The following SEPTIN12 variants were observed in gnomAD, a reference collection of about 807,000 sequenced individuals.
SEPTIN12 encodes the protein septin-12.
Under a neutral mutation model 37.7 loss-of-function variants are expected in SEPTIN12, and 42 were observed. The observed-to-expected ratio is 1.11, with a 90% CI of 0.87 to 1.44. The LOEUF (loss-of-function observed/expected upper bound fraction) is 1.44. Ranked by LOEUF, SEPTIN12 falls within the 40% of genes most tolerant of loss-of-function variation. The pLI is 0.00. For missense variants in SEPTIN12, 613 were observed against 479.2 expected (o/e 1.28, Z -2.61); for synonymous variants, 254 against 196.7 (o/e 1.29, Z -2.44).
At position 4,777,808 on chromosome 16, in the gene SEPTIN12, C is replaced by T. The variant is rs1002823652; in HGVS notation, c.1066G>A (p.Asp356Asn). The T allele has an allele frequency of 8.3e-6, 13 of 1,561,122 alleles. No individual in the cohort carries two copies. The highest frequency in any genetic ancestry group is 1.1e-5 in the Non-Finnish European group (13 of 1,154,256). ...GGATCCGCCGGTGGTCAGAACTCATCATCAGAATCGTCATGGGCCCCCCTG... is the reference window on the plus strand; with the variant it reads ...GGATCCGCCGGTGGTCAGAACTCATTATCAGAATCGTCATGGGCCCCCCTG... ...VCRGAHDDSD[D>N]EF Residue 356 changes from aspartate to asparagine, a missense_variant, in exon 10 of 10, where the codon GAT (aspartate) becomes AAT (asparagine). Coordinates refer to ENST00000268231, the MANE Select transcript of SEPTIN12 (RefSeq NM_144605.5).
intron 2 of SEPTIN12, 114 bp downstream of exon 2, chr16:4,787,366 T>G: frequency 2.1e-6 from 2 of 935,314 alleles, no homozygotes; most frequent in East Asian, 4.8e-5. Flanking sequence ...GGTGCTATTA[T>G]CAGGCCCACC....
Position 4,777,748 on chromosome 16 carries a change from GAGCCGCTGGGGACTCAGGAAGCCC to G in SEPTIN12, c.*25_*48del. 1 of 1,321,838 alleles carries G rather than the reference GAGCCGCTGGGGACTCAGGAAGCCC, an allele frequency of 7.6e-7. No individual in the cohort carries two copies. Among genetic ancestry groups the G allele is most frequent in the Non-Finnish European group, 1.0e-6 (1 of 976,676 alleles). The allele number at this position is 1,321,838 out of a possible 1,614,324, so 81.9% of individuals were successfully genotyped here. A position where few individuals can be genotyped will look rare whatever the true frequency, so the allele number is the denominator to read the frequency against. On this transcript the variant is annotated 3_prime_UTR_variant, in exon 10 of 10. Coordinates refer to ENST00000268231, the MANE Select transcript of SEPTIN12 (RefSeq NM_144605.5). ...GCTCTGGTACATAGGTGTGTGTTGA[GAGCCGCTGGGGACTCAGGAAGCCC>G]AGCAGCCCCGGGATCCGCCGGTGGT...
rs61734737 is a variant in SEPTIN12 at position 4,786,032 on chromosome 16, C to T, written c.240G>A (p.Pro80=). The T allele has an allele frequency of 1.6e-5, 26 of 1,613,930 alleles. No individual in the cohort carries two copies. The highest frequency in any genetic ancestry group is 1.2e-4 in the African/African-American group (9 of 75,012). Reference sequence around the variant, plus strand: ...TCTGGGGTGTGGGCACCCCCAAGCCCGGTGGGTTTGACTTCCACACTTTGG... The same window carrying T: ...TCTGGGGTGTGGGCACCCCCAAGCCTGGTGGGTTTGACTTCCACACTTTGG... ...FKSKVWKSNP[P]GLGVPTPQTL... is the part of the protein sequence containing the mutation. Residue 80 remains proline (P), a synonymous_variant, in exon 3 of 10, where the codon CCG becomes CCA. Coordinates refer to ENST00000268231, the MANE Select transcript of SEPTIN12 (RefSeq NM_144605.5).
chr16:4,787,362 A>G lies in SEPTIN12; in HGVS notation c.166+118T>C. On this transcript the variant is annotated intron_variant, in intron 2 of 9. Coordinates refer to ENST00000268231, the MANE Select transcript of SEPTIN12 (RefSeq NM_144605.5). ...AATGACAACATCCCTGTGAGGTGCTATTATCAGGCCCACCTAAGAGATGGG... is the reference window on the plus strand; with the variant it reads ...AATGACAACATCCCTGTGAGGTGCTGTTATCAGGCCCACCTAAGAGATGGG... 7.7e-6 allele frequency: 7 copies of G among 907,420 alleles called. No individual in the cohort carries two copies. The Middle Eastern group carries it at 1.3e-3, about 166-fold the overall frequency. 56.2% of individuals were successfully genotyped at this position (907,420 alleles called of 1,614,324 possible). A position where few individuals can be genotyped will look rare whatever the true frequency, so the allele number is the denominator to read the frequency against.
intron 7 of SEPTIN12, among the ~76,000 whole-genome samples, chr16:4,780,943 C>T (rs2141867699): frequency 6.6e-6 from 1 of 151,814 alleles, no homozygotes; most frequent in East Asian, 1.9e-4. Flanking sequence ...CCTGCCACTG[C>T]ACCCCAGCCT....
chr16:4,786,696 C>CA (rs1262047392), intron 2 of SEPTIN12, among the ~76,000 whole-genome samples: 1 of 151,920 alleles, frequency 6.6e-6, no homozygotes, highest in East Asian at 1.9e-4. Flanking sequence ...CTCAATCTGT[C>CA]ACCCAGACTC....
chr16:4,780,248 T>A (rs1376232720), intron 7 of SEPTIN12, among the ~76,000 whole-genome samples: 15 of 151,884 alleles, frequency 9.9e-5, no homozygotes, highest in Non-Finnish European at 1.5e-5. Context: ...CCACCATGCC[T>A]GGCTACTTTT....
upstream of SEPTIN12, chr16:4,789,818 G>C (rs550795763): frequency 1.3e-5 from 2 of 152,060 alleles, no homozygotes; most frequent in East Asian, 3.9e-4. Flanking sequence ...TTGTTTCCTG[G>C]TACTTGACTT....
chr16:4,788,953 T>C (rs1374735898), upstream of SEPTIN12, among the ~76,000 whole-genome samples: 1 of 152,220 alleles, frequency 6.6e-6, no homozygotes, highest in Non-Finnish European at 1.5e-5. Context: ...CCTCTTTAAA[T>C]AGGCCATGTG....
chr16:4,791,637 C>G (rs1004097542), upstream of SEPTIN12, among the ~76,000 whole-genome samples: 2 of 152,188 alleles, frequency 1.3e-5, no homozygotes, highest in Admixed American at 6.6e-5. Context: ...CTGCCACAGC[C>G]TCCTCCTCCT....
intron 2 of SEPTIN12, among the ~76,000 whole-genome samples, chr16:4,787,024 C>T (rs1651919613): frequency 6.6e-6 from 1 of 152,020 alleles, no homozygotes; most frequent in African/African-American, 2.4e-5. Context: ...TACAGGCGCC[C>T]ACCACCACGC....
chr16:4,791,401 G>A (rs558419516), upstream of SEPTIN12, among the ~76,000 whole-genome samples: 5 of 152,312 alleles, frequency 3.3e-5, no homozygotes, highest in South Asian at 2.1e-4. Context: ...TTCAGTGCAC[G>A]TTTCTGTGAG....
At position 4,781,287 on chromosome 16, in the gene SEPTIN12, A is replaced by G. The variant is rs186400686; in HGVS notation, c.727-1501T>C. ...AAAAAAAAAAGACCCTATCTCATAA[A>G]AAAAACAACATTAAAAACAAAACAA... is the stretch of plus-strand genomic sequence containing the variant. On this transcript the variant is annotated intron_variant, in intron 7 of 9. Coordinates refer to ENST00000268231, the MANE Select transcript of SEPTIN12 (RefSeq NM_144605.5). Among the ~76,000 whole-genome samples the G allele has an allele frequency of 5.3e-4, 81 of 151,976 alleles. 1 individual carries two copies. The East Asian group carries it at 0.014, about 27-fold the overall frequency.
chr16:4,786,031 C>A lies in SEPTIN12; in HGVS notation c.241G>T (p.Gly81Cys), dbSNP rs1388686833. Residue 81 changes from glycine to cysteine, a missense_variant, in exon 3 of 10, where the codon GGC becomes TGC. Physicochemically the swap from Gly to Cys is radical, Grantham distance 159. Transcript: ENST00000268231. ...GTCTGGGGTGTGGGCACCCCCAAGC[C>A]CGGTGGGTTTGACTTCCACACTTTG... is the stretch of plus-strand genomic sequence containing the variant. ...KSKVWKSNPP[G>C]LGVPTPQTLQ... 20 of 1,613,864 alleles carry A rather than the reference C, an allele frequency of 1.2e-5. No individual in the cohort carries two copies. Among genetic ancestry groups the A allele is most frequent in the Non-Finnish European group, 1.6e-5 (19 of 1,179,992 alleles).
upstream of SEPTIN12, among the ~76,000 whole-genome samples, chr16:4,789,277 G>A (rs1173221439): frequency 6.6e-6 from 1 of 151,736 alleles, no homozygotes; most frequent in Non-Finnish European, 1.5e-5. Flanking sequence ...CTCCCAAAGT[G>A]TTGGGATTAG....
chr16:4,784,161 G>C, intron 4 of SEPTIN12, 93 bp from the exon 5 acceptor site: 2 of 1,496,172 alleles, frequency 1.3e-6, no homozygotes, highest in African/African-American at 1.4e-5. Context: ...TCCTCCCTTG[G>C]GACGACGAAT....
chr16:4,781,088 A>G (rs576897108), intron 7 of SEPTIN12, among the ~76,000 whole-genome samples: 1 of 151,844 alleles, frequency 6.6e-6, no homozygotes, highest in South Asian at 2.1e-4. Context: ...GTGAAACCCC[A>G]TCTCTACCAA....
chr16:4,783,565 TC>T lies in SEPTIN12; in HGVS notation c.631-9del, dbSNP rs1567564126. 2.5e-6 allele frequency: 4 copies of T among 1,613,748 alleles called. No homozygotes were observed. Among genetic ancestry groups the T allele is most frequent in the Non-Finnish European group, 2.5e-6 (3 of 1,179,714 alleles). On this transcript the variant is annotated splice_polypyrimidine_tract_variant and intron_variant, in intron 6 of 9. Coordinates refer to ENST00000268231, the MANE Select transcript of SEPTIN12 (RefSeq NM_144605.5). ...CCTCAGGTTCTGCTGGATCTGGAGA[TC>T]CCACACAGGTGACCTCAGCCCACCC...
intron 5 of SEPTIN12, 65 bp from the exon 6 acceptor site, chr16:4,783,831 G>A: frequency 6.3e-7 from 1 of 1,598,854 alleles, no homozygotes; most frequent in Non-Finnish European, 8.6e-7. Context: ...CAGCAGCAGG[G>A]CACGGGGGTG....
Sources: allele counts gnomAD v4.1 joint callset (sites outside exome capture counted in the v4.1 genomes callset), GRCh38; gene constraint gnomAD v4.1.1; transcripts MANE v1.5; gene names NCBI Gene and HGNC (gene_info 2026-07-23, HGNC 2026-07-21).